PIP5K1B: variants seen among roughly 807,000 people sequenced by gnomAD.
PIP5K1B encodes the protein phosphatidylinositol 4-phosphate 5-kinase type-1 beta.
A neutral mutation model predicts 67.0 loss-of-function variants in PIP5K1B; 42 were observed. The observed-to-expected ratio is 0.63, with a 90% CI of 0.49 to 0.81. PIP5K1B has a LOEUF of 0.81. Ranked by LOEUF, PIP5K1B falls within the 30% of genes least tolerant of loss-of-function variation. PIP5K1B has a pLI of 0.00. For synonymous variants in PIP5K1B, 214 were observed against 231.4 expected, an observed-to-expected ratio of 0.92 and a Z score of 0.68; for missense variants, 459 against 646.3, an observed-to-expected ratio of 0.71 and a Z score of 3.14.
intron 2 of PIP5K1B, among the ~76,000 whole-genome samples, chr9:68,779,252 C>G (rs1831087092): frequency 6.6e-6 from 1 of 152,112 alleles, no homozygotes; most frequent in African/African-American, 2.4e-5. Context: ...ATGTGAGGAC[C>G]TACTGGTTTA....
chr9:68,824,543 T>C (rs1307899744), intron 4 of PIP5K1B, among the ~76,000 whole-genome samples: 2 of 152,152 alleles, frequency 1.3e-5, no homozygotes, highest in Non-Finnish European at 2.9e-5. Context: ...TAATGAACAA[T>C]TTTTTATGTG....
At chr9:68,992,818 C>T (rs1226220391) in intron 15 of PIP5K1B, among the ~76,000 whole-genome samples, 30 of 119,198 alleles carry the variant, frequency 2.5e-4, no homozygotes, top group African/African-American at 3.4e-5. Context: ...CCCACCTAGG[C>T]AACAGAGCAT....
intron 1 of PIP5K1B, among the ~76,000 whole-genome samples, chr9:68,728,424 C>T (rs1828255146): frequency 6.6e-6 from 1 of 152,080 alleles, no homozygotes; most frequent in Non-Finnish European, 1.5e-5. Flanking sequence ...CCCTCATGAC[C>T]TCATTATTCC....
Position 68,786,933 on chromosome 9 carries a change from G to C in PIP5K1B, c.-85-31528G>C, listed in dbSNP as rs867731972. Among the ~76,000 whole-genome samples the C allele has an allele frequency of 9.2e-5, 14 of 152,246 alleles. No individual in the cohort carries two copies. In the South Asian group the frequency reaches 2.5e-3, roughly 27 times the overall value. ...TTTCCAACCGGAAGGTTGGGATTCA[G>C]TACCACCCCCGCATGGACAAATGCA... is the stretch of plus-strand genomic sequence containing the variant. On this transcript the variant is annotated intron_variant, in intron 2 of 15. Transcript: ENST00000265382.
At chr9:68,980,823 G>A (rs1829854008) in intron 14 of PIP5K1B, among the ~76,000 whole-genome samples, 1 of 152,120 alleles carries the variant, frequency 6.6e-6, no homozygotes, top group Non-Finnish European at 1.5e-5. Context: ...CTCCTAACAT[G>A]AAGCAGCCTA....
At chr9:68,847,170 A>T (rs1440884578) in intron 4 of PIP5K1B, among the ~76,000 whole-genome samples, 1 of 152,122 alleles carries the variant, frequency 6.6e-6, no homozygotes, top group East Asian at 1.9e-4. Flanking sequence ...GCACTGAGAG[A>T]TGCTGGTTTA....
chr9:68,951,330 A>C (rs1828056831), intron 14 of PIP5K1B, among the ~76,000 whole-genome samples: 1 of 152,204 alleles, frequency 6.6e-6, no homozygotes, highest in Non-Finnish European at 1.5e-5. Context: ...ATAATGGTAG[A>C]GTTTCTCTGT....
At chr9:68,794,677 T>G (rs10119445) in intron 2 of PIP5K1B, among the ~76,000 whole-genome samples, 8,717 of 150,456 alleles carry the variant, frequency 0.058, 509 homozygotes, top group African/African-American at 0.15. Context: ...CATTTTTCTC[T>G]TCAGTGAGTG....
At chr9:68,865,944 C>T (rs1472961904) in intron 5 of PIP5K1B, among the ~76,000 whole-genome samples, 1 of 152,192 alleles carries the variant, frequency 6.6e-6, no homozygotes, top group African/African-American at 2.4e-5. Context: ...TTACACGACT[C>T]TTACAACTAA....
Position 68,883,060 on chromosome 9 carries a change from T to C in PIP5K1B, c.319-5921T>C, listed in dbSNP as rs556709031. ...ACAACAGCAATACATGGTCACTCTT[T>C]GCCAGGGTTTTCAAAAGCATTCACT... is the stretch of plus-strand genomic sequence containing the variant. On this transcript the variant is annotated intron_variant, in intron 6 of 15. Transcript: ENST00000265382. Among the ~76,000 whole-genome samples the C allele has an allele frequency of 2.6e-5, 4 of 152,356 alleles. No homozygotes were observed. In the East Asian group the frequency reaches 7.7e-4, roughly 29 times the overall value.
intron 2 of PIP5K1B, among the ~76,000 whole-genome samples, chr9:68,793,985 G>A (rs950966173): frequency 3.9e-5 from 6 of 152,208 alleles, no homozygotes; most frequent in African/African-American, 9.7e-5. Flanking sequence ...AAGAGAGCAC[G>A]GCGCTTTAGA....
At chr9:68,893,148 C>T (rs1009082189) in intron 7 of PIP5K1B, among the ~76,000 whole-genome samples, 2 of 151,934 alleles carry the variant, frequency 1.3e-5, no homozygotes, top group African/African-American at 2.4e-5. Context: ...TTAATATAAG[C>T]ACCTTGAATA....
intron 4 of PIP5K1B, among the ~76,000 whole-genome samples, chr9:68,858,139 A>T (rs1201015751): frequency 6.6e-6 from 1 of 151,900 alleles, no homozygotes; most frequent in Non-Finnish European, 1.5e-5. Flanking sequence ...ATGCCCGGCT[A>T]ATTTTTGTAT....
chr9:68,998,052 C>CTTTTTTTTTTTTT (rs1390783370), intron 15 of PIP5K1B, among the ~76,000 whole-genome samples: 1 of 146,836 alleles, frequency 6.8e-6, no homozygotes, highest in Admixed American at 6.8e-5. Context: ...TTCTTTTTTT[C>CTTTTTTTTTTTTT]TTTTTTTCTT....
At chr9:68,898,867 T>C (rs1158303404) in intron 8 of PIP5K1B, among the ~76,000 whole-genome samples, 1 of 152,224 alleles carries the variant, frequency 6.6e-6, no homozygotes, top group Non-Finnish European at 1.5e-5. Flanking sequence ...GCCTCTTTGC[T>C]GGTTTTCATT....
chr9:68,810,472 G>A (rs1041180380), intron 2 of PIP5K1B, among the ~76,000 whole-genome samples: 2 of 152,176 alleles, frequency 1.3e-5, no homozygotes, highest in Non-Finnish European at 2.9e-5. Flanking sequence ...TAAAGTGTTT[G>A]TTTTTATGGG....
At chr9:68,804,876 AG>A (rs1832786180) in intron 2 of PIP5K1B, among the ~76,000 whole-genome samples, 1 of 152,232 alleles carries the variant, frequency 6.6e-6, no homozygotes, top group African/African-American at 2.4e-5. Context: ...TAATTCATGT[AG>A]TACTTGTCTG....
At chr9:68,735,310 T>C (rs1158662800) in intron 1 of PIP5K1B, among the ~76,000 whole-genome samples, 1 of 140,282 alleles carries the variant, frequency 7.1e-6, no homozygotes, top group East Asian at 2.1e-4. Context: ...TGTTTTCCCC[T>C]AGTGTCTTTT....
intron 5 of PIP5K1B, among the ~76,000 whole-genome samples, chr9:68,864,652 A>G (rs1823270572): frequency 6.6e-6 from 1 of 152,226 alleles, no homozygotes; most frequent in African/African-American, 2.4e-5. Flanking sequence ...TGTTGAGTAT[A>G]TTTTACCACA....
Sources: gnomAD v4.1 joint callset for allele counts (sites outside exome capture counted in the v4.1 genomes callset) on GRCh38, gnomAD v4.1.1 for gene constraint, MANE v1.5 for transcripts, NCBI Gene and HGNC (gene_info 2026-07-23, HGNC 2026-07-21) for gene names.